The following UNC5C variants were observed in gnomAD, a reference collection of about 807,000 sequenced individuals.
The protein encoded by UNC5C is netrin receptor UNC5C.
In UNC5C, 47 loss-of-function variants were observed where a neutral mutation model predicts 99.8. That is an observed-to-expected ratio of 0.47 (90% CI 0.37 to 0.60). The LOEUF (loss-of-function observed/expected upper bound fraction) is 0.60. UNC5C is among the 20% of genes least tolerant of loss of function. The pLI is 0.00. For synonymous variants in UNC5C, 487 were observed against 452.2 expected (o/e 1.08, Z -0.98); for missense variants, 1,062 against 1,165.9 (o/e 0.91, Z 1.30).
chr4:95,209,823 A>AT (rs1456945000), intron 10 of UNC5C, among the ~76,000 whole-genome samples: 2 of 151,798 alleles, frequency 1.3e-5, no homozygotes, highest in African/African-American at 4.8e-5. Context: ...GCTTAATTCT[A>AT]TTTTTTCCTC....
At chr4:95,303,385 C>T (rs569066843) in intron 2 of UNC5C, among the ~76,000 whole-genome samples, 2 of 152,286 alleles carry the variant, frequency 1.3e-5, no homozygotes, top group South Asian at 4.1e-4. Context: ...GTTTATAATT[C>T]TCAGTTTCCC....
chr4:95,376,710 T>C (rs1744905050), intron 1 of UNC5C, among the ~76,000 whole-genome samples: 1 of 152,216 alleles, frequency 6.6e-6, no homozygotes, highest in Non-Finnish European at 1.5e-5. Flanking sequence ...TGCAATTGTA[T>C]CAAATTGTTT....
rs980186315 is a variant in UNC5C at position 95,380,504 on chromosome 4, T to C, written c.125-44873A>G. 1.1e-4 allele frequency among the ~76,000 whole-genome samples: 16 copies of C among 150,366 alleles called. No homozygotes were observed. The South Asian group carries it at 3.0e-3, about 28-fold the overall frequency. On this transcript the variant is annotated intron_variant, in intron 1 of 15. Transcript: ENST00000453304. ...TGTGTTGCCCAGGCTGGTCTCGAAC[T>C]CCTGGCCTCAAGCCATCCTGCCTCA...
At position 95,545,770 on chromosome 4, in the gene UNC5C, G is replaced by GCA. The variant is rs1222846222; in HGVS notation, c.124+2963_124+2964insTG. On this transcript the variant is annotated intron_variant, in intron 1 of 15. Transcript: ENST00000453304. ...ACTGATCTCACACACACGCGCGCGC[G>GCA]CGCACACACACACACACACACACAC... Among the ~76,000 whole-genome samples, 1,233 of 130,570 alleles carry GCA rather than the reference G, an allele frequency of 9.4e-3. 11 individuals carry two copies. The highest frequency in any genetic ancestry group is 0.036 in the African/African-American group (1,101 of 30,408). 85.7% of individuals were successfully genotyped at this position (130,570 alleles called of 152,430 possible). A position where few individuals can be genotyped will look rare whatever the true frequency, so the allele number is the denominator to read the frequency against.
chr4:95,182,819 A>G (rs895725028), intron 14 of UNC5C, 78 bp downstream of exon 14: 11 of 1,485,216 alleles, frequency 7.4e-6, no homozygotes, highest in African/African-American at 1.4e-5. Context: ...CTATGTTGAG[A>G]TACCCTTTTA....
intron 12 of UNC5C, among the ~76,000 whole-genome samples, chr4:95,192,107 T>C (rs115393341): frequency 2.4e-4 from 23 of 95,374 alleles, no homozygotes; most frequent in African/African-American, 8.7e-4. Context: ...CCTGCTCACT[T>C]CCTCCCCTCC....
Position 95,165,207 on chromosome 4 carries a change from G to A in UNC5C, c.*4027C>T, listed in dbSNP as rs933160167. The A allele has an allele frequency of 8.6e-5, 13 of 152,022 alleles. No homozygotes were observed. Among genetic ancestry groups the A allele is most frequent in the African/African-American group, 2.9e-4 (12 of 41,524 alleles). 9.4% of individuals were successfully genotyped at this position (152,022 alleles called of 1,614,324 possible). A position where few individuals can be genotyped will look rare whatever the true frequency, so the allele number is the denominator to read the frequency against. On this transcript the variant is annotated 3_prime_UTR_variant, in exon 16 of 16. Transcript: ENST00000453304. ...AAATACCTTAAAAAAATTACTGGTC[G>A]CATAGTTTCAGGGTGTCCTGAACTC...
chr4:95,398,279 G>C (rs1360193103), intron 1 of UNC5C, among the ~76,000 whole-genome samples: 5 of 151,894 alleles, frequency 3.3e-5, no homozygotes, highest in African/African-American at 9.7e-5. Flanking sequence ...CTGAATAATT[G>C]AGTCTACTTT....
chr4:95,382,316 T>TA (rs977594017), intron 1 of UNC5C, among the ~76,000 whole-genome samples: 4 of 151,542 alleles, frequency 2.6e-5, no homozygotes, highest in Non-Finnish European at 4.4e-5. Context: ...CTACAAAAAA[T>TA]AAAAAAATTA....
At chr4:95,284,004 C>A (rs1203392929) in intron 3 of UNC5C, among the ~76,000 whole-genome samples, 1 of 152,152 alleles carries the variant, frequency 6.6e-6, no homozygotes, top group Non-Finnish European at 1.5e-5. Context: ...TAGAATCAGA[C>A]CTGAAACAAT....
chr4:95,400,571 T>G (rs1307871957), intron 1 of UNC5C, among the ~76,000 whole-genome samples: 1 of 152,024 alleles, frequency 6.6e-6, no homozygotes, highest in African/African-American at 2.4e-5. Context: ...TTTTGTATTT[T>G]TAGTAGAGAC....
chr4:95,408,890 C>A (rs111716230), intron 1 of UNC5C, among the ~76,000 whole-genome samples: 1,912 of 152,146 alleles, frequency 0.013, 41 homozygotes, highest in African/African-American at 0.044. Flanking sequence ...GAGAATAATA[C>A]CCCCTTTCAC....
At chr4:95,318,573 C>G (rs150785964) in intron 2 of UNC5C, among the ~76,000 whole-genome samples, 1 of 152,122 alleles carries the variant, frequency 6.6e-6, no homozygotes, top group Non-Finnish European at 1.5e-5. Flanking sequence ...AAATGCCCCC[C>G]GAATGGGTGT....
At position 95,505,003 on chromosome 4, in the gene UNC5C, C is replaced by A. The variant is rs1257871799; in HGVS notation, c.124+43731G>T. Among the ~76,000 whole-genome samples, 4 of 151,840 alleles carry A rather than the reference C, an allele frequency of 2.6e-5. No individual in the cohort carries two copies. The East Asian group carries it at 7.7e-4, about 29-fold the overall frequency. ...AAATAAGAGACTTACGCTTATTTACCCAAGTATTCCAATAATCTCTTACTA... is the reference window on the plus strand; with the variant it reads ...AAATAAGAGACTTACGCTTATTTACACAAGTATTCCAATAATCTCTTACTA... On this transcript the variant is annotated intron_variant, in intron 1 of 15. Transcript: ENST00000453304.
At chr4:95,347,788 C>G (rs1337030839) in intron 1 of UNC5C, among the ~76,000 whole-genome samples, 1 of 151,992 alleles carries the variant, frequency 6.6e-6, no homozygotes, top group Non-Finnish European at 1.5e-5. Flanking sequence ...GAATCTAAGA[C>G]CTCAAACCAT....
intron 1 of UNC5C, among the ~76,000 whole-genome samples, chr4:95,335,957 C>T (rs1226606816): frequency 6.6e-6 from 1 of 151,770 alleles, no homozygotes; most frequent in African/African-American, 2.4e-5. Flanking sequence ...ACTACATTTC[C>T]CATTATAGAG....
At position 95,205,703 on chromosome 4, in the gene UNC5C, G is replaced by A. The variant is rs1273224856; in HGVS notation, c.1902+925C>T. Among the ~76,000 whole-genome samples, 3 of 152,146 alleles carry A rather than the reference G, an allele frequency of 2.0e-5. No homozygotes were observed. The East Asian group carries it at 5.8e-4, about 30-fold the overall frequency. On this transcript the variant is annotated intron_variant, in intron 11 of 15. Coordinates refer to ENST00000453304, the MANE Select transcript of UNC5C (RefSeq NM_003728.4). Reference sequence around the variant, plus strand: ...TATAGTATAGTTTTAAAATTATTGAGTATTTTTGGATAAACATATTACTGA... The same window carrying A: ...TATAGTATAGTTTTAAAATTATTGAATATTTTTGGATAAACATATTACTGA...
At chr4:95,493,223 G>A (rs892221439) in intron 1 of UNC5C, among the ~76,000 whole-genome samples, 1 of 151,346 alleles carries the variant, frequency 6.6e-6, no homozygotes, top group South Asian at 2.1e-4. Context: ...GATGTTCCGG[G>A]AGCTAGAATC....
intron 1 of UNC5C, among the ~76,000 whole-genome samples, chr4:95,399,532 A>C (rs1238860289): frequency 6.6e-6 from 1 of 152,030 alleles, no homozygotes; most frequent in African/African-American, 2.4e-5. Context: ...TCCCCTTCCT[A>C]TCTCCCCACT....
Sources: allele counts gnomAD v4.1 joint callset (sites outside exome capture counted in the v4.1 genomes callset), GRCh38; gene constraint gnomAD v4.1.1; transcripts MANE v1.5; gene names NCBI Gene and HGNC (gene_info 2026-07-23, HGNC 2026-07-21).